ZDHHC1: variants seen among roughly 807,000 people sequenced by gnomAD.
ZDHHC1 encodes the protein zDHHC palmitoyltransferase 1, also known as palmitoyltransferase ZDHHC1.
ZDHHC1 carries 45 observed loss-of-function variants against 46.9 expected under a neutral mutation model. That is an observed-to-expected ratio of 0.96 (90% confidence interval 0.76 to 1.23). The LOEUF (loss-of-function observed/expected upper bound fraction) is 1.23, where lower values mean the gene tolerates loss of function less well. Among genes scored for constraint, ZDHHC1 ranks in the 50% most tolerant of loss-of-function variants. The pLI is 0.00. For missense variants in ZDHHC1, 649 were observed against 670.8 expected (o/e 0.97, Z 0.36); for synonymous variants, 291 against 286.0 (o/e 1.02, Z -0.18).
chr16:67,405,701 A>G (rs2142248965), intron 3 of ZDHHC1, among the ~76,000 whole-genome samples: 1 of 152,348 alleles, frequency 6.6e-6, no homozygotes, highest in East Asian at 1.9e-4. Context: ...GGTCTGATGT[A>G]CAGAATCAAT....
At chr16:67,404,453 C>T (rs2040615593) in intron 3 of ZDHHC1, 1 of 317,478 alleles carries the variant, frequency 3.1e-6, no homozygotes, top group South Asian at 2.7e-5. Context: ...CCATTATGAC[C>T]TTACCTCACT....
intron 3 of ZDHHC1, among the ~76,000 whole-genome samples, chr16:67,403,238 T>G (rs578065615): frequency 2.1e-4 from 32 of 152,222 alleles, no homozygotes; most frequent in Non-Finnish European, 4.6e-4. Context: ...TGTGGCCAAT[T>G]TCTGGCTTCT....
intron 5 of ZDHHC1, 23 bp from the exon 6 acceptor site, chr16:67,398,967 G>C (rs748782236): frequency 1.2e-6 from 2 of 1,609,338 alleles, no homozygotes; most frequent in African/African-American, 2.7e-5. Context: ...ATGGGTCGCT[G>C]TCAGCTCCCC....
At chr16:67,409,900 C>G (rs930603009) in intron 1 of ZDHHC1, among the ~76,000 whole-genome samples, 3 of 149,356 alleles carry the variant, frequency 2.0e-5, no homozygotes, top group Non-Finnish European at 4.4e-5. Flanking sequence ...CGAACAGATA[C>G]CAGGGCAGTG....
intron 1 of ZDHHC1, among the ~76,000 whole-genome samples, chr16:67,414,848 G>C (rs1488354864): frequency 6.6e-6 from 1 of 152,264 alleles, no homozygotes; most frequent in Non-Finnish European, 1.5e-5. Flanking sequence ...TCAGCAGCCA[G>C]AGTGAAGTGA....
intron 2 of ZDHHC1, among the ~76,000 whole-genome samples, chr16:67,407,172 G>A (rs2040676527): frequency 6.6e-6 from 1 of 152,230 alleles, no homozygotes; most frequent in Admixed American, 6.5e-5. Flanking sequence ...CAGACCACCA[G>A]ATGGCATCAA....
intron 4 of ZDHHC1, among the ~76,000 whole-genome samples, chr16:67,399,868 G>A (rs936327316): frequency 2.6e-5 from 4 of 152,166 alleles, no homozygotes; most frequent in Admixed American, 6.5e-5. Flanking sequence ...CGACACCTCC[G>A]GCAGTGGGCC....
chr16:67,394,658 G>C lies in ZDHHC1; in HGVS notation c.1401C>G (p.Ser467Arg). The C allele has an allele frequency of 1.6e-6, 2 of 1,243,106 alleles. No homozygotes were observed. Among genetic ancestry groups the C allele is most frequent in the South Asian group, 6.0e-5 (2 of 33,072 alleles). 77.0% of individuals were successfully genotyped at this position (1,243,106 alleles called of 1,614,324 possible). ...CGCCCGGCGCCCTGGGCTCGCCGCT[G>C]CTCGGGCTCACGAAAACGGCGGGCG... The part of the protein sequence containing the change: ...ARAPAVFVSP[S>R]SGEPRAPGGR... Residue 467 changes from serine (S) to arginine (R), a missense_variant, in exon 12 of 12, where the codon AGC becomes AGG. Coordinates refer to ENST00000565726, the MANE Select transcript of ZDHHC1 (RefSeq NM_001323627.2).
Position 67,406,150 on chromosome 16 carries a change from C to A in ZDHHC1, c.252+50G>T. 1 of 1,582,090 alleles carries A rather than the reference C, an allele frequency of 6.3e-7. No individual in the cohort carries two copies. Among genetic ancestry groups the A allele is most frequent in the Non-Finnish European group, 8.6e-7 (1 of 1,161,402 alleles). ...TTTGGGCCTCCGCTGTGCCAGCCAT[C>A]CTTTGCCTCCCCACTTCCACACACC... is the stretch of plus-strand genomic sequence containing the variant. On this transcript the variant is annotated intron_variant, in intron 3 of 11. Coordinates refer to ENST00000565726, the MANE Select transcript of ZDHHC1 (RefSeq NM_001323627.2). This position sits in a 1 kb window ranked among gnomAD's most constrained non-coding sequence, Gnocchi z 4.1.
intron 4 of ZDHHC1, 122 bp from the exon 5 acceptor site, chr16:67,399,578 G>A (rs1018057709): frequency 3.9e-6 from 3 of 766,456 alleles, no homozygotes; most frequent in African/African-American, 3.7e-5. Flanking sequence ...ACAGCCCCGA[G>A]CGAGGCGACG....
At position 67,399,512 on chromosome 16, in the gene ZDHHC1, C is replaced by A. The variant is rs754402068; in HGVS notation, c.429-56G>T. The A allele has an allele frequency of 3.4e-6, 5 of 1,490,230 alleles. No homozygotes were observed. The South Asian group carries it at 5.9e-5, about 18-fold the overall frequency. The allele number at this position is 1,490,230 out of a possible 1,614,324, so 92.3% of individuals were successfully genotyped here. On this transcript the variant is annotated intron_variant, in intron 4 of 11. Coordinates refer to ENST00000565726, the MANE Select transcript of ZDHHC1 (RefSeq NM_001323627.2). The stretch of plus-strand genomic sequence containing the variant: ...CCGGCTCATTCCCCGCTCTGCGGCC[C>A]GGCCGGTCGGGGTGGTTGAGTGGGG...
chr16:67,400,818 T>C, intron 4 of ZDHHC1, 139 bp downstream of exon 4: 1 of 950,496 alleles, frequency 1.1e-6, no homozygotes, highest in East Asian at 2.5e-5. Context: ...CCCAATACTC[T>C]GTCACGCCAT....
At chr16:67,415,884 C>T (rs978385538) in intron 1 of ZDHHC1, among the ~76,000 whole-genome samples, 5 of 152,222 alleles carry the variant, frequency 3.3e-5, no homozygotes, top group African/African-American at 1.2e-4. Flanking sequence ...GTATGACATC[C>T]GCTTCCCAGC....
chr16:67,405,339 C>G (rs1048750725), intron 3 of ZDHHC1, among the ~76,000 whole-genome samples: 1 of 152,242 alleles, frequency 6.6e-6, no homozygotes, highest in East Asian at 1.9e-4. Flanking sequence ...AGGAGCTGCT[C>G]GGTCCCGTGC....
intron 1 of ZDHHC1, among the ~76,000 whole-genome samples, chr16:67,414,665 G>C (rs1470155951): frequency 6.6e-6 from 1 of 152,202 alleles, no homozygotes; most frequent in Non-Finnish European, 1.5e-5. Flanking sequence ...ACTGATTTCA[G>C]ATGTGACTGG....
chr16:67,412,172 G>A (rs1240333584), intron 1 of ZDHHC1, among the ~76,000 whole-genome samples: 1 of 151,860 alleles, frequency 6.6e-6, no homozygotes, highest in Non-Finnish European at 1.5e-5. Context: ...TATACGCACA[G>A]ATTTTCTCCA....
At chr16:67,398,791 G>A (rs1380916993) in intron 6 of ZDHHC1, 29 bp downstream of exon 6, 3 of 1,612,438 alleles carry the variant, frequency 1.9e-6, no homozygotes, top group African/African-American at 2.7e-5. Flanking sequence ...AGGGTTGGGG[G>A]TGAGAATAGG....
At chr16:67,409,354 TGATACTCCAAATCAGGATACCCCC>T (rs1401007969) in intron 1 of ZDHHC1, among the ~76,000 whole-genome samples, 1 of 152,014 alleles carries the variant, frequency 6.6e-6, no homozygotes, top group Non-Finnish European at 1.5e-5. Flanking sequence ...GGATACCCCC[TGATACTCCAAATCAGGATACCCCC>T]GATACTCCAA....
At chr16:67,395,872 G>A in intron 8 of ZDHHC1, 1 of 384,522 alleles carries the variant, frequency 2.6e-6, no homozygotes, top group Non-Finnish European at 4.8e-6. Flanking sequence ...GTGGTGGGAA[G>A]CTCAGAGCTG....
Sources: allele counts gnomAD v4.1 joint callset (sites outside exome capture counted in the v4.1 genomes callset), GRCh38; gene constraint gnomAD v4.1.1; non-coding constraint Gnocchi (gnomAD v3.1); transcripts MANE v1.5; gene names NCBI Gene and HGNC (gene_info 2026-07-23, HGNC 2026-07-21).